Variants in TENM3 observed in about 807,000 individuals in gnomAD.
The protein encoded by TENM3 is teneurin-3.
Under a neutral mutation model 255.1 loss-of-function variants are expected in TENM3, and 63 were observed. The observed-to-expected ratio is 0.25, with a 90% CI of 0.20 to 0.30. The LOEUF is 0.30. Ranked by LOEUF, TENM3 falls within the 10% of genes least tolerant of loss-of-function variation. The pLI, the probability that TENM3 is intolerant of heterozygous loss-of-function variation, is 1.00. For synonymous variants in TENM3, 1,306 were observed against 1,322.3 expected, an observed-to-expected ratio of 0.99 and a Z score of 0.27; for missense variants, 2,929 against 3,461.1, an observed-to-expected ratio of 0.85 and a Z score of 3.86.
At chr4:182,537,438 A>G (rs1194345811) in intron 3 of TENM3, among the ~76,000 whole-genome samples, 2 of 152,162 alleles carry the variant, frequency 1.3e-5, no homozygotes, top group African/African-American at 2.4e-5. Flanking sequence ...TGTTTGCACC[A>G]GCTACTTTAT....
chr4:182,435,827 TCA>T (rs1310033179), intron 3 of TENM3, among the ~76,000 whole-genome samples: 1 of 152,158 alleles, frequency 6.6e-6, no homozygotes, highest in Non-Finnish European at 1.5e-5. Flanking sequence ...GGCATCAAAC[TCA>T]CAGTTAGTAC....
the TENM3 span, among the ~76,000 whole-genome samples, chr4:181,668,366 C>T: frequency 6.6e-6 from 1 of 152,092 alleles, no homozygotes; most frequent in Non-Finnish European, 1.5e-5. Context: ...CTACAGATGC[C>T]ATAGCAAAAT....
the TENM3 span, among the ~76,000 whole-genome samples, chr4:182,119,513 A>C: frequency 6.3e-4 from 96 of 152,126 alleles, no homozygotes; most frequent in African/African-American, 2.2e-3. Context: ...GGATACAGAG[A>C]ATTGTGATTC....
At chr4:181,720,154 C>A in the TENM3 span, among the ~76,000 whole-genome samples, 1 of 152,260 alleles carries the variant, frequency 6.6e-6, no homozygotes, top group Admixed American at 6.5e-5. Flanking sequence ...ATCAGTATTT[C>A]ATTCTTTTTC....
chr4:182,695,920 A>T (rs918467404), intron 12 of TENM3, among the ~76,000 whole-genome samples: 2 of 152,256 alleles, frequency 1.3e-5, no homozygotes, highest in African/African-American at 4.8e-5. Context: ...TTTGTAGGGT[A>T]TAAGTCTGTA....
the TENM3 span, among the ~76,000 whole-genome samples, chr4:181,968,354 G>A: frequency 6.6e-6 from 1 of 152,176 alleles, no homozygotes; most frequent in Admixed American, 6.5e-5. Context: ...TGTAAGTTCA[G>A]AACTGGCATT....
chr4:181,816,014 A>G, the TENM3 span, among the ~76,000 whole-genome samples: 2 of 152,312 alleles, frequency 1.3e-5, no homozygotes, highest in African/African-American at 4.8e-5. Flanking sequence ...GTTCATTCAT[A>G]TCTTTCCATT....
intron 13 of TENM3, among the ~76,000 whole-genome samples, chr4:182,714,883 G>GTTTTGTT (rs1759032791): frequency 6.6e-6 from 1 of 152,070 alleles, no homozygotes; most frequent in East Asian, 1.9e-4. Flanking sequence ...TAGCTGTTTT[G>GTTTTGTT]TTTTGTTTTT....
At chr4:181,474,113 AG>A in the TENM3 span, among the ~76,000 whole-genome samples, 1 of 152,070 alleles carries the variant, frequency 6.6e-6, no homozygotes, top group African/African-American at 2.4e-5. Context: ...GTGAACAATG[AG>A]AACACATGGA....
chr4:182,266,101 T>C (rs969645710), intron 1 of TENM3, among the ~76,000 whole-genome samples: 4 of 152,224 alleles, frequency 2.6e-5, no homozygotes, highest in Non-Finnish European at 5.9e-5. Context: ...TCAGCTCTTA[T>C]CTGCACTTCT....
the TENM3 span, among the ~76,000 whole-genome samples, chr4:181,453,985 C>T: frequency 6.6e-6 from 1 of 152,048 alleles, no homozygotes; most frequent in Non-Finnish European, 1.5e-5. Flanking sequence ...TTTGACCTCT[C>T]TTCTGTAAAA....
chr4:181,501,104 G>T, the TENM3 span, among the ~76,000 whole-genome samples: 1 of 152,238 alleles, frequency 6.6e-6, no homozygotes, highest in Non-Finnish European at 1.5e-5. Context: ...TCAAAGAAAA[G>T]AAATTACCAT....
At chr4:182,229,446 T>A (rs968860633) in intron 1 of TENM3, among the ~76,000 whole-genome samples, 1 of 152,208 alleles carries the variant, frequency 6.6e-6, no homozygotes, top group Non-Finnish European at 1.5e-5. Context: ...CTTCTATTTA[T>A]GCATGGTTTA....
At chr4:182,408,376 G>A (rs776960001) in intron 3 of TENM3, among the ~76,000 whole-genome samples, 1 of 152,166 alleles carries the variant, frequency 6.6e-6, no homozygotes, top group Non-Finnish European at 1.5e-5. Flanking sequence ...GCAGAAATAT[G>A]TATCATGTTC....
chr4:182,051,321 C>T, the TENM3 span, among the ~76,000 whole-genome samples: 2 of 147,552 alleles, frequency 1.4e-5, no homozygotes, highest in Admixed American at 6.8e-5. Context: ...CCAGCCTGGG[C>T]GACAAGAGCA....
At chr4:182,467,516 A>G (rs1038138495) in intron 3 of TENM3, among the ~76,000 whole-genome samples, 11 of 152,178 alleles carry the variant, frequency 7.2e-5, no homozygotes, top group Non-Finnish European at 1.2e-4. Flanking sequence ...GTTTGTCATC[A>G]TTTTTCAAGA....
intron 11 of TENM3, among the ~76,000 whole-genome samples, chr4:182,684,505 A>G (rs1756426078): frequency 3.3e-5 from 5 of 151,066 alleles, no homozygotes; most frequent in Admixed American, 2.0e-4. Context: ...TTTATTTAAT[A>G]TCTCTGTGCC....
chr4:182,784,126 C>T (rs948236376), intron 24 of TENM3, among the ~76,000 whole-genome samples: 22 of 152,202 alleles, frequency 1.4e-4, no homozygotes, highest in Admixed American at 2.0e-4. Flanking sequence ...GGAGGAGAGG[C>T]GCTCTGCTTT....
chr4:182,280,041 C>T (rs1349519043), intron 1 of TENM3, among the ~76,000 whole-genome samples: 1 of 152,182 alleles, frequency 6.6e-6, no homozygotes, highest in Non-Finnish European at 1.5e-5. Flanking sequence ...AGAATTTTTC[C>T]TGAACATTTT....
Sources: gnomAD v4.1 joint callset for allele counts (sites outside exome capture counted in the v4.1 genomes callset) on GRCh38, gnomAD v4.1.1 for gene constraint, MANE v1.5 for transcripts, NCBI Gene and HGNC (gene_info 2026-07-23, HGNC 2026-07-21) for gene names.